Variants in SLCO1C1 observed in about 807,000 individuals in gnomAD.
The protein encoded by SLCO1C1 is OAT-RP-5.
SLCO1C1 carries 70 observed loss-of-function variants against 76.4 expected under a neutral mutation model. The observed-to-expected ratio is 0.92, with a 90% CI of 0.76 to 1.12. The LOEUF (loss-of-function observed/expected upper bound fraction) is 1.12, where lower values mean the gene tolerates loss of function less well. SLCO1C1 is among the 50% of genes most tolerant of loss of function. The pLI is 0.00. For missense variants in SLCO1C1, 912 were observed against 823.8 expected (o/e 1.11, Z -1.31); for synonymous variants, 306 against 286.1 (o/e 1.07, Z -0.70).
At chr12:20,747,612 T>G (rs913971264) in intron 13 of SLCO1C1, among the ~76,000 whole-genome samples, 2 of 53,818 alleles carry the variant, frequency 3.7e-5, no homozygotes. Context: ...ACATTTGAAT[T>G]TTTTTGGCTT....
intron 7 of SLCO1C1, 22 bp downstream of exon 7, chr12:20,717,252 T>G (rs565104761): frequency 6.4e-7 from 1 of 1,557,058 alleles, no homozygotes; most frequent in East Asian, 2.3e-5. Flanking sequence ...TATTTTTTAT[T>G]TATTCATGTA....
chr12:20,699,366 T>C (rs1946410929), intron 1 of SLCO1C1, among the ~76,000 whole-genome samples, 186 bp from the exon 2 acceptor site: 1 of 152,008 alleles, frequency 6.6e-6, no homozygotes, highest in Non-Finnish European at 1.5e-5. Flanking sequence ...AGAGTTCCAA[T>C]AGCAGGATTA....
chr12:20,749,163 T>C (rs1388412821), intron 13 of SLCO1C1, among the ~76,000 whole-genome samples: 1 of 152,212 alleles, frequency 6.6e-6, no homozygotes, highest in Non-Finnish European at 1.5e-5. Flanking sequence ...TCTCTGAAAT[T>C]TAGAAGTGTC....
chr12:20,712,257 G>A (rs1221801673), intron 5 of SLCO1C1, among the ~76,000 whole-genome samples: 1 of 152,182 alleles, frequency 6.6e-6, no homozygotes, highest in Non-Finnish European at 1.5e-5. Flanking sequence ...ATATGACACA[G>A]CAATGCTTTG....
At position 20,706,022 on chromosome 12, in the gene SLCO1C1, G is replaced by C. The variant is rs931919021; in HGVS notation, c.345G>C (p.Gly115=). ...KLHRPKIIGA[G]CVIMGVGTLL... ...ACAGGCCAAAAATAATTGGAGCAGG[G>C]TGTGTAATCATGGGAGTTGGAACAC... Residue 115 remains glycine (G), a synonymous_variant, in exon 4 of 15, where the codon GGG becomes GGC. Coordinates refer to ENST00000266509, the MANE Select transcript of SLCO1C1 (RefSeq NM_017435.5). The C allele has an allele frequency of 6.2e-7, 1 of 1,613,420 alleles. No homozygotes were observed. The highest frequency in any genetic ancestry group is 8.5e-7 in the Non-Finnish European group (1 of 1,179,514).
At chr12:20,718,938 T>C (rs1947516281) in intron 7 of SLCO1C1, among the ~76,000 whole-genome samples, 1 of 152,184 alleles carries the variant, frequency 6.6e-6, no homozygotes, top group South Asian at 2.1e-4. Context: ...TTTATTGTGC[T>C]TTACTTCATT....
At chr12:20,730,877 A>G (rs77614552) in intron 9 of SLCO1C1, among the ~76,000 whole-genome samples, 1,907 of 152,250 alleles carry the variant, frequency 0.013, 37 homozygotes, top group African/African-American at 0.044. Flanking sequence ...AACACCGATA[A>G]TCAGTGAAAC....
intron 9 of SLCO1C1, among the ~76,000 whole-genome samples, chr12:20,725,087 A>G (rs1947900823): frequency 7.9e-6 from 1 of 126,216 alleles, no homozygotes; most frequent in Admixed American, 8.2e-5. Context: ...TAAATTATAT[A>G]AAATAATATA....
At chr12:20,747,483 T>A (rs1371722148) in intron 13 of SLCO1C1, among the ~76,000 whole-genome samples, 1 of 152,098 alleles carries the variant, frequency 6.6e-6, no homozygotes, top group East Asian at 1.9e-4. Flanking sequence ...TGGCAAAACA[T>A]TAATAATTGT....
Position 20,724,409 on chromosome 12 carries a change from GTGTATATATATATATA to G in SLCO1C1, c.1186+1157_1186+1172del, listed in dbSNP as rs1357769595. On this transcript the variant is annotated intron_variant, in intron 9 of 14. Transcript: ENST00000266509. ...ATATATATAATGTGTGTGTGTGTGT[GTGTATATATATATATA>G]TATATATATATATATATATATATAT... Among the ~76,000 whole-genome samples, 249 of 65,490 alleles carry G rather than the reference GTGTATATATATATATA, an allele frequency of 3.8e-3. 2 individuals carry two copies. The highest frequency in any genetic ancestry group is 4.3e-3 in the Non-Finnish European group (150 of 35,260). The allele number at this position is 65,490 out of a possible 152,430, so 43.0% of individuals were successfully genotyped here. A position where few individuals can be genotyped will look rare whatever the true frequency, so the allele number is the denominator to read the frequency against.
At chr12:20,696,788 T>C (rs949189734) in intron 1 of SLCO1C1, 7 of 152,136 alleles carry the variant, frequency 4.6e-5, no homozygotes, top group Admixed American at 2.0e-4. Flanking sequence ...CCCAAGGATC[T>C]TTCCGTTCAT....
intron 13 of SLCO1C1, among the ~76,000 whole-genome samples, chr12:20,749,042 G>A (rs1949174498): frequency 6.6e-6 from 1 of 152,130 alleles, no homozygotes; most frequent in Admixed American, 6.5e-5. Context: ...AGCCATCGAT[G>A]AGTCTGGATT....
intron 3 of SLCO1C1, among the ~76,000 whole-genome samples, chr12:20,703,250 C>T (rs1946607339): frequency 2.0e-5 from 3 of 152,016 alleles, no homozygotes; most frequent in African/African-American, 4.8e-5. Context: ...GATTCTAGAA[C>T]AAATATCATC....
chr12:20,737,068 C>T, intron 10 of SLCO1C1, 39 bp from the exon 11 acceptor site: 1 of 1,422,942 alleles, frequency 7.0e-7, no homozygotes, highest in Non-Finnish European at 9.2e-7. Context: ...GTGCTACCTG[C>T]TAAGAGGTAA....
At chr12:20,740,466 G>GT (rs1316221424) in intron 12 of SLCO1C1, 98 bp downstream of exon 12, 1 of 1,084,008 alleles carries the variant, frequency 9.2e-7, no homozygotes, top group East Asian at 2.6e-5. Flanking sequence ...ATTCCTCTTA[G>GT]TTTTTTCAAG....
intron 12 of SLCO1C1, among the ~76,000 whole-genome samples, chr12:20,740,915 T>A (rs1948789212): frequency 6.6e-6 from 1 of 150,502 alleles, no homozygotes; most frequent in Non-Finnish European, 1.5e-5. Flanking sequence ...TGTTAATGAC[T>A]GTATTATTCC....
At chr12:20,714,326 G>A (rs1947266426) in intron 5 of SLCO1C1, among the ~76,000 whole-genome samples, 1 of 152,222 alleles carries the variant, frequency 6.6e-6, no homozygotes, top group Non-Finnish European at 1.5e-5. Context: ...CAGCAGTGAT[G>A]ATTGTTGGAG....
At chr12:20,713,893 C>T (rs1400232466) in intron 5 of SLCO1C1, among the ~76,000 whole-genome samples, 2 of 152,210 alleles carry the variant, frequency 1.3e-5, no homozygotes, top group South Asian at 2.1e-4. Flanking sequence ...AAGGTGCCTA[C>T]ACTTCTCTAC....
At chr12:20,733,515 A>G (rs1366040232) in intron 10 of SLCO1C1, among the ~76,000 whole-genome samples, 2 of 152,224 alleles carry the variant, frequency 1.3e-5, no homozygotes. Flanking sequence ...AGGTTTAAGC[A>G]AGCTAACATA....
Sources: gnomAD v4.1 joint callset for allele counts (sites outside exome capture counted in the v4.1 genomes callset) on GRCh38, gnomAD v4.1.1 for gene constraint, MANE v1.5 for transcripts, NCBI Gene and HGNC (gene_info 2026-07-23, HGNC 2026-07-21) for gene names.